The following SLC33A1 variants were observed in gnomAD, a reference collection of about 807,000 sequenced individuals.
SLC33A1 encodes the protein acetyl-coenzyme A transporter 1.
Under a neutral mutation model 50.0 loss-of-function variants are expected in SLC33A1, and 20 were observed. The ratio of observed to expected loss-of-function variants is 0.40; its 90% confidence interval spans 0.28 to 0.58. SLC33A1 has a LOEUF of 0.58. Ranked by LOEUF, SLC33A1 falls within the 20% of genes least tolerant of loss-of-function variation. The pLI, the probability that SLC33A1 is intolerant of heterozygous loss-of-function variation, is 0.44. For missense variants in SLC33A1, 476 were observed against 657.0 expected (o/e 0.72, Z 3.01); for synonymous variants, 265 against 251.8 (o/e 1.05, Z -0.50).
Position 155,828,318 on chromosome 3 carries a change from G to A in SLC33A1, c.1542C>T (p.Ser514=). The A allele has an allele frequency of 1.9e-6, 3 of 1,604,908 alleles. No individual in the cohort carries two copies. The highest frequency in any genetic ancestry group is 2.6e-6 in the Non-Finnish European group (3 of 1,171,802). Residue 514 remains serine (S), a synonymous_variant, in exon 6 of 6, where the codon TCC becomes TCT. Transcript: ENST00000643144. ...VTALDGYYVE[S]IICVFIGFGW... The stretch of plus-strand genomic sequence containing the variant: ...CAAATCCAATGAAAACACAAATAAT[G>A]GACTCCACATAATAACCATCCAGGG...
rs7617114 is a variant in SLC33A1, at chr3:155,833,414, T to C, written c.1266+54A>G. On this transcript the variant is annotated intron_variant, in intron 4 of 5. Transcript: ENST00000643144. ...TTTAAGACAACTGTAGAAAGCTGTCTTCCTTATTTTACACAGAACAGTTTA... is the reference window on the plus strand; with the variant it reads ...TTTAAGACAACTGTAGAAAGCTGTCCTCCTTATTTTACACAGAACAGTTTA... 0.015 allele frequency: 12,966 copies of C among 872,332 alleles called. 1,055 individuals carry two copies. The African/African-American group carries it at 0.18, about 12-fold the overall frequency. The allele number at this position is 872,332 out of a possible 1,614,324, so 54.0% of individuals were successfully genotyped here. A position where few individuals can be genotyped will look rare whatever the true frequency, so the allele number is the denominator to read the frequency against.
rs1286965776 is a variant in SLC33A1, at chr3:155,853,791, C to T, written c.207G>A (p.Arg69=). 2.5e-6 allele frequency: 4 copies of T among 1,613,274 alleles called. No homozygotes were observed. The highest frequency in any genetic ancestry group is 3.4e-6 in the Non-Finnish European group (4 of 1,179,672). ...GTAGCAAAATGCTGCTTAGTTCGGC[C>T]CGGAAGCTCTGTGGGGCTTTTAAGA... is the stretch of plus-strand genomic sequence containing the variant. ...GDFLKAPQSF[R]AELSSILLLL... Residue 69 remains arginine (R), a synonymous_variant, in exon 1 of 6, where the codon CGG becomes CGA. Coordinates refer to ENST00000643144, the MANE Select transcript of SLC33A1 (RefSeq NM_004733.4).
In SLC33A1 at chr3:155,828,908, T is replaced by G. The variant is rs1056929503; in HGVS notation, c.1483-531A>C. ...CCCAGCCGAATATGTTTTTTTTTTTTTTTTTTTTTTAAGAGACGGAGTCTT... is the reference window on the plus strand; with the variant it reads ...CCCAGCCGAATATGTTTTTTTTTTTGTTTTTTTTTTAAGAGACGGAGTCTT... On this transcript the variant is annotated intron_variant, in intron 5 of 5. Coordinates refer to ENST00000643144, the MANE Select transcript of SLC33A1 (RefSeq NM_004733.4). Among the ~76,000 whole-genome samples the G allele has an allele frequency of 5.9e-5, 9 of 151,538 alleles. No individual in the cohort carries two copies. In the East Asian group the frequency reaches 9.7e-4, roughly 16 times the overall value.
At chr3:155,844,449 ATATATATATTTTTTTTTTTTTTTT>A (rs1311453063) in intron 1 of SLC33A1, among the ~76,000 whole-genome samples, 9 of 24,120 alleles carry the variant, frequency 3.7e-4, no homozygotes, top group African/African-American at 1.2e-3. Context: ...ATATATATAT[ATATATATATTTTTTTTTTTTTTTT>A]TTTTTTTTTT....
chr3:155,833,271 T>A (rs1752518927), intron 4 of SLC33A1, among the ~76,000 whole-genome samples, 197 bp downstream of exon 4: 1 of 151,948 alleles, frequency 6.6e-6, no homozygotes, highest in Admixed American at 6.6e-5. Context: ...AATAAATAAA[T>A]AAAAAAGTCT....
At chr3:155,842,076 A>G (rs59849326) in intron 2 of SLC33A1, among the ~76,000 whole-genome samples, 30,015 of 152,140 alleles carry the variant, frequency 0.2, 7,538 homozygotes, top group African/African-American at 0.58. Flanking sequence ...CACTCTTAGT[A>G]AATAATTGTA....
intron 1 of SLC33A1, among the ~76,000 whole-genome samples, chr3:155,846,384 C>G (rs1044729445): frequency 6.6e-6 from 1 of 151,872 alleles, no homozygotes; most frequent in African/African-American, 2.4e-5. Flanking sequence ...AACTGGACAC[C>G]ACTGAGAAAA....
chr3:155,846,575 T>C (rs566597212), intron 1 of SLC33A1, among the ~76,000 whole-genome samples: 1 of 151,302 alleles, frequency 6.6e-6, no homozygotes, highest in African/African-American at 2.4e-5. Flanking sequence ...TGCCTCAGCC[T>C]CCCAAGTAGC....
At chr3:155,846,873 G>T (rs949588500) in intron 1 of SLC33A1, among the ~76,000 whole-genome samples, 24 of 152,022 alleles carry the variant, frequency 1.6e-4, no homozygotes, top group African/African-American at 4.8e-4. Flanking sequence ...TCTTCCTAAA[G>T]AATTCATTTT....
chr3:155,837,330 T>G (rs1577464440), intron 2 of SLC33A1, among the ~76,000 whole-genome samples: 1 of 121,580 alleles, frequency 8.2e-6, no homozygotes, highest in Admixed American at 1.2e-4. Context: ...CACTCCAGCC[T>G]GGGGGACAGA....
At chr3:155,832,541 G>A (rs1232552602) in intron 4 of SLC33A1, among the ~76,000 whole-genome samples, 2 of 151,084 alleles carry the variant, frequency 1.3e-5, no homozygotes, top group Non-Finnish European at 3.0e-5. Flanking sequence ...TAGAAGCTAA[G>A]CCAGGGCCGG....
intron 1 of SLC33A1, 57 bp downstream of exon 1, chr3:155,853,164 TCA>T: frequency 2.7e-6 from 4 of 1,455,080 alleles, no homozygotes; most frequent in Non-Finnish European, 3.9e-6. Flanking sequence ...CCCTCCAACG[TCA>T]CACACTCTTT....
chr3:155,836,255 G>A (rs1247329593), intron 2 of SLC33A1, among the ~76,000 whole-genome samples: 2 of 107,010 alleles, frequency 1.9e-5, no homozygotes, highest in Non-Finnish European at 3.4e-5. Flanking sequence ...CTGCACTCCA[G>A]CCTGGTGACA....
intron 4 of SLC33A1, among the ~76,000 whole-genome samples, chr3:155,830,793 C>A (rs1295999934): frequency 6.6e-6 from 1 of 151,930 alleles, no homozygotes; most frequent in African/African-American, 2.4e-5. Context: ...ATATATTTTT[C>A]TCCTACATAT....
rs1577460834 is a variant in SLC33A1, at chr3:155,834,106, T to C, written c.964-65A>G. The C allele has an allele frequency of 7.0e-6, 9 of 1,293,856 alleles. No individual in the cohort carries two copies. The East Asian group carries it at 9.5e-5, about 14-fold the overall frequency. 80.1% of individuals were successfully genotyped at this position (1,293,856 alleles called of 1,614,324 possible). On this transcript the variant is annotated intron_variant, in intron 2 of 5. Transcript: ENST00000643144. ...TATGAAATATTTTCCTCCATGCATA[T>C]GTAAGTTCTTCAAGAACCTCAATTT...
intron 2 of SLC33A1, among the ~76,000 whole-genome samples, chr3:155,834,750 G>T (rs1752583081): frequency 6.6e-6 from 1 of 152,150 alleles, no homozygotes; most frequent in East Asian, 1.9e-4. Context: ...AAAGAGACAT[G>T]ATATGGCTTT....
chr3:155,840,208 C>T (rs1752872919), intron 2 of SLC33A1, among the ~76,000 whole-genome samples: 1 of 151,348 alleles, frequency 6.6e-6, no homozygotes, highest in Admixed American at 6.6e-5. Context: ...CTGCCTCATC[C>T]TCCCGAGTAG....
rs2109299385 is a variant in SLC33A1 at position 155,826,407 on chromosome 3, A to C, written c.*1803T>G. ...GTCTCAATTAAAAAAAAAAAAAACTATGTTTGAAAGTATATATAATTTGTA... is the reference window on the plus strand; with the variant it reads ...GTCTCAATTAAAAAAAAAAAAAACTCTGTTTGAAAGTATATATAATTTGTA... On this transcript the variant is annotated 3_prime_UTR_variant, in exon 6 of 6. Transcript: ENST00000643144. 1 of 152,034 alleles carries C rather than the reference A, an allele frequency of 6.6e-6. No homozygotes were observed. Among genetic ancestry groups the C allele is most frequent in the African/African-American group, 2.4e-5 (1 of 41,500 alleles). The allele number at this position is 152,034 out of a possible 1,614,324, so 9.4% of individuals were successfully genotyped here. A position where few individuals can be genotyped will look rare whatever the true frequency, so the allele number is the denominator to read the frequency against.
intron 4 of SLC33A1, 136 bp downstream of exon 4, chr3:155,833,332 C>T (rs563133505): frequency 8.5e-5 from 62 of 731,448 alleles, no homozygotes; most frequent in Middle Eastern, 3.1e-4. Context: ...AAGTTTAAAG[C>T]GCACCATCAA....
Sources: allele counts gnomAD v4.1 joint callset (sites outside exome capture counted in the v4.1 genomes callset), GRCh38; gene constraint gnomAD v4.1.1; transcripts MANE v1.5; gene names NCBI Gene and HGNC (gene_info 2026-07-23, HGNC 2026-07-21).